GARRE1: variants seen among roughly 807,000 people sequenced by gnomAD.
GARRE1 encodes granule associated Rac and RHOG effector protein 1.
In GARRE1, 49 loss-of-function variants were observed where a neutral mutation model predicts 103.2. The ratio of observed to expected loss-of-function variants is 0.47; its 90% CI spans 0.38 to 0.60. The LOEUF (loss-of-function observed/expected upper bound fraction) is 0.60. GARRE1 is among the 20% of genes least tolerant of loss of function. GARRE1 has a pLI of 0.00. For missense variants in GARRE1, 1,199 were observed against 1,370.5 expected, an observed-to-expected ratio of 0.87 and a Z score of 1.98; for synonymous variants, 505 against 532.8, an observed-to-expected ratio of 0.95 and a Z score of 0.72.
At chr19:34,348,676 T>C (rs1374569868) in intron 11 of GARRE1, 6 of 184,660 alleles carry the variant, frequency 3.2e-5, no homozygotes, top group Non-Finnish European at 3.4e-5. Flanking sequence ...CAAAGGTTAA[T>C]GTGTGCCATG....
At chr19:34,275,248 A>G (rs1271087592) in intron 1 of GARRE1, among the ~76,000 whole-genome samples, 2 of 151,406 alleles carry the variant, frequency 1.3e-5, no homozygotes, top group Admixed American at 1.3e-4. Context: ...TTATTGAAAT[A>G]TAATTCACAT....
At chr19:34,319,764 G>A (rs2074076498) in intron 2 of GARRE1, 143 bp from the exon 3 acceptor site, 1 of 707,310 alleles carries the variant, frequency 1.4e-6, no homozygotes, top group Non-Finnish European at 2.5e-6. Context: ...AGATCCTTCT[G>A]AAGCATGGTG....
In GARRE1 at chr19:34,330,187, A is replaced by G; in HGVS notation, c.1105-2A>G. 6.2e-7 allele frequency: 1 copy of G among 1,613,730 alleles called. No individual in the cohort carries two copies. On this transcript the variant is annotated splice_acceptor_variant, in intron 6 of 13. Transcript: ENST00000299505. LOFTEE classifies it high-confidence loss of function. ...GTGAACTCTCTTCTTATCAATCTATAGCATACAATGTTACAGCTGATGAAG... is the reference window on the plus strand; with the variant it reads ...GTGAACTCTCTTCTTATCAATCTATGGCATACAATGTTACAGCTGATGAAG...
At chr19:34,330,727 C>CT (rs1213759081) in intron 7 of GARRE1, among the ~76,000 whole-genome samples, 2,032 of 102,010 alleles carry the variant, frequency 0.02, 29 homozygotes, top group Non-Finnish European at 0.023. Flanking sequence ...GACCCTGCCT[C>CT]TTTTTTTTTT....
At chr19:34,291,724 C>A (rs2073918942) in intron 1 of GARRE1, among the ~76,000 whole-genome samples, 2 of 152,222 alleles carry the variant, frequency 1.3e-5, no homozygotes, top group Non-Finnish European at 2.9e-5. Flanking sequence ...CACTATTGCA[C>A]TGGGGATTAA....
rs1351897898 is a variant in GARRE1, at chr19:34,300,085, G to A, written c.-389G>A. On this transcript the variant is annotated 5_prime_UTR_variant, in exon 2 of 14. Transcript: ENST00000299505. ...TTTTTGGGTATATTGAAGACACAGT[G>A]TATTACATTATATTACATTTTTAAA... is the stretch of plus-strand genomic sequence containing the variant. 5.8e-6 allele frequency: 1 copy of A among 171,422 alleles called. No homozygotes were observed. Among genetic ancestry groups the A allele is most frequent in the Non-Finnish European group, 1.2e-5 (1 of 80,778 alleles). The allele number at this position is 171,422 out of a possible 1,614,324, so 10.6% of individuals were successfully genotyped here. A position where few individuals can be genotyped will look rare whatever the true frequency, so the allele number is the denominator to read the frequency against.
intron 10 of GARRE1, among the ~76,000 whole-genome samples, chr19:34,346,277 C>G (rs1555711894): frequency 6.6e-6 from 1 of 152,068 alleles, no homozygotes; most frequent in East Asian, 1.9e-4. Flanking sequence ...TTTTTTGACA[C>G]TTTCTGTAAA....
At chr19:34,289,592 C>T (rs1231981459) in intron 1 of GARRE1, among the ~76,000 whole-genome samples, 2 of 150,846 alleles carry the variant, frequency 1.3e-5, no homozygotes, top group East Asian at 2.0e-4. Context: ...GGTGTGGTGG[C>T]GCGTGTCTGT....
intron 1 of GARRE1, among the ~76,000 whole-genome samples, chr19:34,273,599 G>C (rs944035805): frequency 3.9e-5 from 6 of 152,110 alleles, no homozygotes; most frequent in Non-Finnish European, 8.8e-5. Flanking sequence ...CAGGGGTCCT[G>C]GGGGTTGGAG....
At chr19:34,279,626 T>C (rs2073838758) in intron 1 of GARRE1, among the ~76,000 whole-genome samples, 1 of 152,206 alleles carries the variant, frequency 6.6e-6, no homozygotes, top group Admixed American at 6.5e-5. Flanking sequence ...TATTATTCCC[T>C]AGTTGTACTG....
At chr19:34,343,031 TAGAA>T (rs1239847849) in intron 10 of GARRE1, among the ~76,000 whole-genome samples, 16 of 152,016 alleles carry the variant, frequency 1.1e-4, no homozygotes, top group African/African-American at 2.2e-4. Flanking sequence ...ATAAGTAAAT[TAGAA>T]AGAAAAATAG....
At chr19:34,348,403 G>A (rs2074222449) in intron 11 of GARRE1, 2 of 186,976 alleles carry the variant, frequency 1.1e-5, no homozygotes, top group East Asian at 1.3e-4. Flanking sequence ...GTGATTTATG[G>A]AACGCTGTCA....
chr19:34,255,008 C>A, intron 1 of GARRE1, among the ~76,000 whole-genome samples: 1 of 151,782 alleles, frequency 6.6e-6, no homozygotes, highest in Admixed American at 6.6e-5. Flanking sequence ...CCCGGAAGCC[C>A]GCGGAGGGAG....
At chr19:34,335,814 C>T (rs551355123) in intron 8 of GARRE1, among the ~76,000 whole-genome samples, 7 of 152,270 alleles carry the variant, frequency 4.6e-5, no homozygotes, top group Admixed American at 4.6e-4. Context: ...GCGTGAGTCA[C>T]CGCGCCCGGC....
intron 1 of GARRE1, among the ~76,000 whole-genome samples, chr19:34,261,801 A>C (rs147918508): frequency 1.5e-4 from 23 of 152,200 alleles, no homozygotes; most frequent in Non-Finnish European, 3.4e-4. Flanking sequence ...AACTAATAAC[A>C]ATGTCTAACT....
intron 8 of GARRE1, among the ~76,000 whole-genome samples, chr19:34,336,119 T>G (rs1335882125): frequency 6.6e-6 from 1 of 151,912 alleles, no homozygotes; most frequent in Non-Finnish European, 1.5e-5. Flanking sequence ...GCCTCCCAAG[T>G]AGGCGGGACT....
chr19:34,267,986 C>G (rs2073762959), intron 1 of GARRE1, among the ~76,000 whole-genome samples: 2 of 151,708 alleles, frequency 1.3e-5, no homozygotes, highest in African/African-American at 4.8e-5. Flanking sequence ...GTTGGCCAGG[C>G]TGGTCTCGAA....
At chr19:34,347,705 C>G (rs1306500737) in intron 10 of GARRE1, among the ~76,000 whole-genome samples, 172 bp from the exon 11 acceptor site, 1 of 152,264 alleles carries the variant, frequency 6.6e-6, no homozygotes, top group Non-Finnish European at 1.5e-5. Context: ...CAAGTCCCAT[C>G]TCCCCACAGC....
rs1242451660 is a variant in GARRE1, at chr19:34,353,538, A to G, written c.*583A>G. 1 of 152,542 alleles carries G rather than the reference A, an allele frequency of 6.6e-6. No individual in the cohort carries two copies. The highest frequency in any genetic ancestry group is 1.5e-5 in the Non-Finnish European group (1 of 68,166). The allele number at this position is 152,542 out of a possible 1,614,324, so 9.4% of individuals were successfully genotyped here. ...TTTAACACTATCTATATTTAAGCTTATACAAAATGGGCAAAATATAGAATA... is the reference window on the plus strand; with the variant it reads ...TTTAACACTATCTATATTTAAGCTTGTACAAAATGGGCAAAATATAGAATA... On this transcript the variant is annotated 3_prime_UTR_variant, in exon 14 of 14. Transcript: ENST00000299505.
Sources: gnomAD v4.1 joint callset for allele counts (sites outside exome capture counted in the v4.1 genomes callset) on GRCh38, gnomAD v4.1.1 for gene constraint, MANE v1.5 for transcripts, NCBI Gene and HGNC (gene_info 2026-07-23, HGNC 2026-07-21) for gene names.